Variants in SAE1 observed in about 807,000 individuals in gnomAD.
The protein encoded by SAE1 is SUMO1 activating enzyme subunit 1, also known as SUMO-activating enzyme subunit 1.
A neutral mutation model predicts 40.6 loss-of-function variants in SAE1; 11 were observed. The observed-to-expected ratio is 0.27, with a 90% CI of 0.17 to 0.45. SAE1 has a LOEUF of 0.45. Among genes scored for constraint, SAE1 ranks in the 20% least tolerant of loss-of-function variants. SAE1 has a pLI of 1.00. For missense variants in SAE1, 373 were observed against 427.3 expected, an observed-to-expected ratio of 0.87 and a Z score of 1.12; for synonymous variants, 155 against 154.3, an observed-to-expected ratio of 1.00 and a Z score of -0.03.
chr19:47,199,599 A>G (rs1456683374), intron 7 of SAE1, among the ~76,000 whole-genome samples: 1 of 151,978 alleles, frequency 6.6e-6, no homozygotes, highest in Non-Finnish European at 1.5e-5. Flanking sequence ...GCAGAGCCAG[A>G]CCGTTCATCA....
intron 8 of SAE1, among the ~76,000 whole-genome samples, chr19:47,205,384 T>G (rs2058680792): frequency 6.6e-6 from 1 of 151,598 alleles, no homozygotes. Flanking sequence ...CTTCCTTTGA[T>G]CAAATCTAAC....
Position 47,180,827 on chromosome 19 carries a change from G to A in SAE1, c.733+10904G>A, listed in dbSNP as rs12611339. 0.017 allele frequency among the ~76,000 whole-genome samples: 2,625 copies of A among 152,172 alleles called. 129 individuals carry two copies. The East Asian group carries it at 0.19, about 11-fold the overall frequency. On this transcript the variant is annotated intron_variant, in intron 6 of 8. Coordinates refer to ENST00000270225, the MANE Select transcript of SAE1 (RefSeq NM_005500.3). ...GCAAGACTTTGTCTCCCCCGAAAAA[G>A]AAGATGCTTTTAAATGAATTACATA...
intron 6 of SAE1, among the ~76,000 whole-genome samples, chr19:47,195,976 C>T (rs1306896012): frequency 6.6e-6 from 1 of 151,128 alleles, no homozygotes; most frequent in Non-Finnish European, 1.5e-5. Flanking sequence ...TCAAGCGATC[C>T]TCACGCCTTG....
chr19:47,201,546 A>G (rs1171229516), intron 7 of SAE1, among the ~76,000 whole-genome samples: 1 of 150,714 alleles, frequency 6.6e-6, no homozygotes, highest in Non-Finnish European at 1.5e-5. Flanking sequence ...TAATTTCTGT[A>G]TTTTTAGTAG....
At chr19:47,163,346 T>C (rs2058370835) in intron 5 of SAE1, among the ~76,000 whole-genome samples, 2 of 152,204 alleles carry the variant, frequency 1.3e-5, no homozygotes, top group African/African-American at 4.8e-5. Flanking sequence ...AGACTTTTTT[T>C]CTTGTCATTA....
intron 1 of SAE1, among the ~76,000 whole-genome samples, chr19:47,132,424 G>GTT (rs74749546): frequency 1.3e-4 from 17 of 130,978 alleles, no homozygotes; most frequent in Non-Finnish European, 2.0e-4. Flanking sequence ...ACTAATTTTT[G>GTT]TTTTTTTTTT....
chr19:47,141,965 A>G (rs2058224722), intron 1 of SAE1, among the ~76,000 whole-genome samples: 3 of 152,186 alleles, frequency 2.0e-5, no homozygotes, highest in Admixed American at 6.6e-5. Flanking sequence ...TTCTGGTTCA[A>G]GAGATTTCAG....
intron 6 of SAE1, among the ~76,000 whole-genome samples, chr19:47,191,642 G>A (rs565987408): frequency 7.9e-5 from 12 of 152,270 alleles, no homozygotes; most frequent in Non-Finnish European, 1.6e-4. Context: ...ACTCTTGTGC[G>A]ATCTTATTTC....
intron 8 of SAE1, among the ~76,000 whole-genome samples, chr19:47,206,480 CT>C (rs1385910916): frequency 6.6e-6 from 1 of 152,216 alleles, no homozygotes; most frequent in Non-Finnish European, 1.5e-5. Context: ...TTGGAATCAT[CT>C]TTTGCGTCTT....
At chr19:47,162,913 G>C (rs567068206) in intron 5 of SAE1, among the ~76,000 whole-genome samples, 5 of 152,204 alleles carry the variant, frequency 3.3e-5, no homozygotes, top group African/African-American at 1.2e-4. Flanking sequence ...GATTGCCTGA[G>C]CCTGGCAAGT....
intron 5 of SAE1, among the ~76,000 whole-genome samples, chr19:47,164,639 CTTTTTTTTTTTTTT>C (rs1166301382): frequency 3.7e-4 from 29 of 78,392 alleles, no homozygotes; most frequent in Non-Finnish European, 6.6e-4. Context: ...GAGAATTCAC[CTTTTTTTTTTTTTT>C]TTTTTTTTTT....
chr19:47,145,077 A>G (rs1323518522), intron 2 of SAE1, among the ~76,000 whole-genome samples: 1 of 151,700 alleles, frequency 6.6e-6, no homozygotes, highest in Non-Finnish European at 1.5e-5. Flanking sequence ...ATCTTGGCTC[A>G]CTGCAACCTC....
intron 6 of SAE1, among the ~76,000 whole-genome samples, chr19:47,187,025 G>C (rs1236895130): frequency 1.3e-5 from 2 of 152,124 alleles, no homozygotes; most frequent in Non-Finnish European, 2.9e-5. Flanking sequence ...GGTGGAGGGG[G>C]GGTGCTCAGG....
chr19:47,184,506 G>T (rs2058531133), intron 6 of SAE1, among the ~76,000 whole-genome samples: 1 of 152,008 alleles, frequency 6.6e-6, no homozygotes, highest in African/African-American at 2.4e-5. Flanking sequence ...CACCTCCTGG[G>T]TTCAAGCGAT....
intron 6 of SAE1, among the ~76,000 whole-genome samples, chr19:47,173,487 G>A (rs2058448187): frequency 6.6e-6 from 1 of 152,118 alleles, no homozygotes; most frequent in South Asian, 2.1e-4. Flanking sequence ...TGACCCCTGT[G>A]ATGTTGAGAT....
Position 47,209,207 on chromosome 19 carries a change from G to A in SAE1, c.997G>A (p.Gly333Ser), listed in dbSNP as rs748266843. 5.6e-6 allele frequency: 9 copies of A among 1,613,962 alleles called. No individual in the cohort carries two copies. The highest frequency in any genetic ancestry group is 3.3e-5 in the Admixed American group (2 of 59,990). The change falls in exon 9 of 9, where the codon GGC (glycine) becomes AGC (serine). Residue 333 changes from glycine (G) to serine (S), a missense_variant. Coordinates refer to ENST00000270225, the MANE Select transcript of SAE1 (RefSeq NM_005500.3). ...TCACAACAACTTCTTCTTCTTCGAT[G>A]GCATGAAGGGGAATGGGATTGTGGA... ...PPHNNFFFFD[G>S]MKGNGIVECL...
At chr19:47,182,586 A>G (rs1293176250) in intron 6 of SAE1, among the ~76,000 whole-genome samples, 2 of 151,958 alleles carry the variant, frequency 1.3e-5, no homozygotes, top group African/African-American at 2.4e-5. Context: ...AGGCACCACC[A>G]TGGAAACAGG....
At chr19:47,164,627 T>G (rs1042293285) in intron 5 of SAE1, among the ~76,000 whole-genome samples, 4 of 147,568 alleles carry the variant, frequency 2.7e-5, no homozygotes, top group African/African-American at 1.0e-4. Context: ...ATGGGCTATG[T>G]GGAGAATTCA....
Position 47,197,232 on chromosome 19 carries a change from G to T in SAE1, c.734-1G>T. 6.3e-7 allele frequency: 1 copy of T among 1,593,564 alleles called. No homozygotes were observed. Among genetic ancestry groups the T allele is most frequent in the Non-Finnish European group, 8.5e-7 (1 of 1,173,878 alleles). On this transcript the variant is annotated splice_acceptor_variant, in intron 6 of 8. Coordinates refer to ENST00000270225, the MANE Select transcript of SAE1 (RefSeq NM_005500.3). LOFTEE classifies it high-confidence loss of function. ...ACCTGCCTTCTTTTTCTTATTCCCAGTGCTCTTAAAGTTCCGTACAGATAA... is the reference window on the plus strand; with the variant it reads ...ACCTGCCTTCTTTTTCTTATTCCCATTGCTCTTAAAGTTCCGTACAGATAA...
Sources: gnomAD v4.1 joint callset for allele counts (sites outside exome capture counted in the v4.1 genomes callset) on GRCh38, gnomAD v4.1.1 for gene constraint, MANE v1.5 for transcripts, NCBI Gene and HGNC (gene_info 2026-07-23, HGNC 2026-07-21) for gene names.